TAFA2: variants seen among roughly 807,000 people sequenced by gnomAD.
The protein encoded by TAFA2 is TAFA chemokine like family member 2.
Under a neutral mutation model 18.8 loss-of-function variants are expected in TAFA2, and 7 were observed. The observed-to-expected ratio is 0.37, with a 90% CI of 0.21 to 0.70. The LOEUF is 0.70. Among genes scored for constraint, TAFA2 ranks in the 30% least tolerant of loss-of-function variants. The pLI is 0.53. For synonymous variants in TAFA2, 60 were observed against 54.2 expected (o/e 1.11, Z -0.47); for missense variants, 122 against 158.1 (o/e 0.77, Z 1.23).
At chr12:61,728,760 T>C (rs1490624757) in intron 4 of TAFA2, among the ~76,000 whole-genome samples, 1 of 152,004 alleles carries the variant, frequency 6.6e-6, no homozygotes, top group Non-Finnish European at 1.5e-5. Flanking sequence ...AGATGTGAGG[T>C]ACTATTCTAT....
At chr12:62,035,403 A>G (rs1484054707) in intron 1 of TAFA2, among the ~76,000 whole-genome samples, 1 of 152,210 alleles carries the variant, frequency 6.6e-6, no homozygotes, top group African/African-American at 2.4e-5. Context: ...TCTAAGGGGA[A>G]AGCAATCTAA....
intron 1 of TAFA2, among the ~76,000 whole-genome samples, chr12:62,117,943 T>C (rs1317370874): frequency 6.6e-6 from 1 of 152,148 alleles, no homozygotes; most frequent in African/African-American, 2.4e-5. Context: ...TATAACATAC[T>C]CTCAGCATTG....
intron 1 of TAFA2, among the ~76,000 whole-genome samples, chr12:62,013,074 T>C (rs1880822871): frequency 6.6e-6 from 1 of 152,210 alleles, no homozygotes; most frequent in South Asian, 2.1e-4. Context: ...AGAGATGCCA[T>C]CATGTGAATT....
chr12:62,249,267 TTTCCTAAAAAAAAAAAAAAAAAGG>T (rs2062900810), intron 1 of TAFA2, among the ~76,000 whole-genome samples: 1 of 97,914 alleles, frequency 1.0e-5, no homozygotes. Context: ...CCTCCTTTTT[TTTCCTAAAAAAAAAAAAAAAAAGG>T]AAAAAGACCA....
At chr12:61,827,912 A>C (rs1872583638) in intron 2 of TAFA2, among the ~76,000 whole-genome samples, 4 of 151,974 alleles carry the variant, frequency 2.6e-5, no homozygotes, top group Admixed American at 2.6e-4. Context: ...AATGCCTTCC[A>C]ATAACAGAAG....
chr12:62,048,658 A>T (rs1340724961), intron 1 of TAFA2, among the ~76,000 whole-genome samples: 2 of 152,188 alleles, frequency 1.3e-5, no homozygotes, highest in Admixed American at 6.5e-5. Flanking sequence ...CAAATTCATT[A>T]TTACTTTGCC....
At chr12:61,710,666 A>G (rs1869357915) in intron 4 of TAFA2, among the ~76,000 whole-genome samples, 1 of 152,104 alleles carries the variant, frequency 6.6e-6, no homozygotes, top group African/African-American at 2.4e-5. Context: ...AACTGTGACT[A>G]GAATTATCCC....
chr12:62,219,183 A>G (rs2062750031), intron 1 of TAFA2, among the ~76,000 whole-genome samples: 1 of 150,210 alleles, frequency 6.7e-6, no homozygotes. Context: ...TCCAGCTTTG[A>G]AAAAAAAAAC....
intron 1 of TAFA2, among the ~76,000 whole-genome samples, chr12:61,934,055 C>G (rs1877666734): frequency 6.6e-6 from 1 of 152,178 alleles, no homozygotes; most frequent in Non-Finnish European, 1.5e-5. Context: ...TGCCTAATGC[C>G]TCATTTTCGT....
chr12:61,835,575 A>G (rs1046789820), intron 2 of TAFA2, among the ~76,000 whole-genome samples: 1 of 152,022 alleles, frequency 6.6e-6, no homozygotes, highest in African/African-American at 2.4e-5. Context: ...TTTTCCACAC[A>G]TGACCATGAT....
chr12:61,765,810 G>C (rs1869764670), intron 2 of TAFA2, among the ~76,000 whole-genome samples: 1 of 151,956 alleles, frequency 6.6e-6, no homozygotes. Flanking sequence ...TTTTTTTAGA[G>C]ACTTAAAAAT....
At chr12:62,156,277 T>G (rs919511156) in intron 1 of TAFA2, among the ~76,000 whole-genome samples, 2 of 152,160 alleles carry the variant, frequency 1.3e-5, no homozygotes, top group Non-Finnish European at 2.9e-5. Flanking sequence ...ACGTCCATAA[T>G]CAAAACATCT....
intron 1 of TAFA2, among the ~76,000 whole-genome samples, chr12:61,941,870 T>C (rs12316537): frequency 1.3e-5 from 2 of 151,862 alleles, no homozygotes; most frequent in Non-Finnish European, 2.9e-5. Flanking sequence ...GCAGCGAGGC[T>C]GGGGGAGGGG....
intron 2 of TAFA2, among the ~76,000 whole-genome samples, chr12:61,776,616 T>C (rs940010550): frequency 2.2e-4 from 33 of 151,806 alleles, no homozygotes; most frequent in African/African-American, 8.0e-4. Flanking sequence ...GTGAGATGCC[T>C]GAAAGCTAGC....
chr12:62,206,145 C>T (rs932169201), intron 1 of TAFA2, among the ~76,000 whole-genome samples: 1 of 152,290 alleles, frequency 6.6e-6, no homozygotes, highest in African/African-American at 2.4e-5. Context: ...GCCTCCAACC[C>T]CAGCTGTTTC....
Position 62,034,468 on chromosome 12 carries a change from G to C in TAFA2, c.-2+156791C>G, listed in dbSNP as rs556692305. On this transcript the variant is annotated intron_variant, in intron 1 of 4. Coordinates refer to ENST00000416284, the MANE Select transcript of TAFA2 (RefSeq NM_178539.5). ...TTAGCTGTAATGTTTATTCTAATTT[G>C]TTTTGGATAATAAATAGATTAATCG... 4.7e-4 allele frequency among the ~76,000 whole-genome samples: 72 copies of C among 152,190 alleles called. 1 individual carries two copies. The highest frequency in any genetic ancestry group is 1.3e-3 in the African/African-American group (56 of 41,532).
intron 1 of TAFA2, among the ~76,000 whole-genome samples, chr12:62,170,494 G>T (rs917128463): frequency 2.0e-5 from 3 of 152,284 alleles, no homozygotes; most frequent in Non-Finnish European, 2.9e-5. Flanking sequence ...CTGCTTTGAT[G>T]CTTTTCCATT....
At chr12:61,739,903 C>A (rs552605506) in intron 4 of TAFA2, among the ~76,000 whole-genome samples, 4 of 152,138 alleles carry the variant, frequency 2.6e-5, no homozygotes, top group East Asian at 1.9e-4. Context: ...AATTTGATTT[C>A]TTTCAAGATA....
At chr12:61,734,776 A>G (rs114822247) in intron 4 of TAFA2, among the ~76,000 whole-genome samples, 5,543 of 152,076 alleles carry the variant, frequency 0.036, 314 homozygotes, top group African/African-American at 0.12. Flanking sequence ...ATAAAGAAAT[A>G]TATACATATA....
Sources: allele counts gnomAD v4.1 joint callset (sites outside exome capture counted in the v4.1 genomes callset), GRCh38; gene constraint gnomAD v4.1.1; transcripts MANE v1.5; gene names NCBI Gene and HGNC (gene_info 2026-07-23, HGNC 2026-07-21).